Variants in FGGY observed in about 807,000 individuals in gnomAD.
FGGY encodes FGGY carbohydrate kinase domain containing.
Under a neutral mutation model 71.3 loss-of-function variants are expected in FGGY, and 72 were observed. That is an observed-to-expected ratio of 1.01 (90% CI 0.84 to 1.23). The LOEUF (loss-of-function observed/expected upper bound fraction) is 1.23, where lower values mean the gene tolerates loss of function less well. Ranked by LOEUF, FGGY falls within the 50% of genes most tolerant of loss-of-function variation. FGGY has a pLI of 0.00. For synonymous variants in FGGY, 251 were observed against 250.3 expected (o/e 1.00, Z -0.02); for missense variants, 668 against 682.3 (o/e 0.98, Z 0.23).
chr1:59,631,478 A>C (rs554316291), intron 10 of FGGY, among the ~76,000 whole-genome samples: 1 of 152,298 alleles, frequency 6.6e-6, no homozygotes, highest in Admixed American at 6.5e-5. Flanking sequence ...CAATATTCTA[A>C]AACTATGGGA....
intron 4 of FGGY, among the ~76,000 whole-genome samples, chr1:59,374,654 C>G (rs1296460513): frequency 1.3e-5 from 2 of 151,950 alleles, no homozygotes; most frequent in African/African-American, 4.8e-5. Context: ...GGAACCAACC[C>G]AAATGTCCAA....
chr1:59,724,854 A>T (rs1422879239), intron 14 of FGGY, among the ~76,000 whole-genome samples: 1 of 152,066 alleles, frequency 6.6e-6, no homozygotes, highest in African/African-American at 2.4e-5. Flanking sequence ...GAATTTTAAG[A>T]GTTCTTTGTA....
intron 3 of FGGY, 49 bp from the exon 4 acceptor site, chr1:59,346,198 G>C (rs757137050): frequency 2.0e-5 from 32 of 1,603,556 alleles, no homozygotes; most frequent in Middle Eastern, 1.9e-4. Context: ...CCTTGAATTA[G>C]AAGGAAGAGA....
intron 5 of FGGY, among the ~76,000 whole-genome samples, chr1:59,418,714 C>CT (rs956473225): frequency 6.6e-6 from 1 of 151,704 alleles, no homozygotes; most frequent in East Asian, 1.9e-4. Flanking sequence ...TTGATTTTTT[C>CT]TTTTTTTGTG....
At chr1:59,606,270 A>T (rs2153815354) in intron 8 of FGGY, among the ~76,000 whole-genome samples, 1 of 152,260 alleles carries the variant, frequency 6.6e-6, no homozygotes, top group East Asian at 1.9e-4. Context: ...CTTTAGCAAA[A>T]TCCTACTAGT....
chr1:59,359,716 A>G (rs2055047503), intron 4 of FGGY, among the ~76,000 whole-genome samples: 1 of 152,108 alleles, frequency 6.6e-6, no homozygotes, highest in African/African-American at 2.4e-5. Context: ...GATTAGATAA[A>G]CTTCAGAGTG....
intron 5 of FGGY, among the ~76,000 whole-genome samples, chr1:59,390,440 G>A (rs1215493742): frequency 6.6e-6 from 1 of 152,170 alleles, no homozygotes; most frequent in African/African-American, 2.4e-5. Flanking sequence ...GATGGCGGTT[G>A]AAGTTTCCAT....
chr1:59,731,956 G>T (rs1031340993), intron 14 of FGGY, among the ~76,000 whole-genome samples: 2 of 152,094 alleles, frequency 1.3e-5, no homozygotes, highest in Non-Finnish European at 2.9e-5. Context: ...TTTAAATCCT[G>T]CTCTCTCATT....
rs3035371 is a variant in FGGY, at chr1:59,493,096, AACACACACACACAC to A, written c.671-19193_671-19180del. ...TAGGATGGCTACTATTACCAAACAA[AACACACACACACAC>A]ACACACACACACACACACACAAAAC... On this transcript the variant is annotated intron_variant, in intron 6 of 15. Coordinates refer to ENST00000303721, the MANE Select transcript of FGGY (RefSeq NM_018291.5). Among the ~76,000 whole-genome samples, 700 of 143,116 alleles carry A rather than the reference AACACACACACACAC, an allele frequency of 4.9e-3. 5 individuals are homozygous for A. The highest frequency in any genetic ancestry group is 0.016 in the African/African-American group (633 of 38,548). 93.9% of individuals were successfully genotyped at this position (143,116 alleles called of 152,430 possible). A position where few individuals can be genotyped will look rare whatever the true frequency, so the allele number is the denominator to read the frequency against.
intron 6 of FGGY, among the ~76,000 whole-genome samples, chr1:59,465,535 G>T (rs568754301): frequency 1.3e-5 from 2 of 152,214 alleles, no homozygotes; most frequent in East Asian, 1.9e-4. Context: ...AGAAATAAAG[G>T]GTATTCAATT....
At chr1:59,511,467 G>T (rs1032261130) in intron 6 of FGGY, among the ~76,000 whole-genome samples, 9 of 151,150 alleles carry the variant, frequency 6.0e-5, no homozygotes, top group African/African-American at 2.2e-4. Context: ...AGAGGGCTCG[G>T]GCTCTGTTTA....
chr1:59,740,340 C>T (rs1435755689), intron 14 of FGGY, among the ~76,000 whole-genome samples: 3 of 152,182 alleles, frequency 2.0e-5, no homozygotes, highest in Non-Finnish European at 2.9e-5. Flanking sequence ...AGAGAGATGA[C>T]CTCCTGTTTA....
chr1:59,356,917 T>C (rs946229114), intron 4 of FGGY, among the ~76,000 whole-genome samples: 13 of 152,186 alleles, frequency 8.5e-5, no homozygotes, highest in African/African-American at 3.1e-4. Context: ...CTGTGATGGA[T>C]ACCACTTTAA....
In FGGY at chr1:59,648,319, G is replaced by A. The variant is rs1350066723; in HGVS notation, c.1221+9944G>A. ...TCTAGTTCTAGATCCCTGAGGAATC[G>A]CCACACTGACTTCCACAATGTTTGA... On this transcript the variant is annotated intron_variant, in intron 11 of 15. Coordinates refer to ENST00000303721, the MANE Select transcript of FGGY (RefSeq NM_018291.5). Among the ~76,000 whole-genome samples, 41 of 131,050 alleles carry A rather than the reference G, an allele frequency of 3.1e-4. 1 individual carries two copies. The highest frequency in any genetic ancestry group is 1.3e-3 in the African/African-American group (38 of 30,134). 86.0% of individuals were successfully genotyped at this position (131,050 alleles called of 152,430 possible).
At chr1:59,404,190 C>T (rs1046071745) in intron 5 of FGGY, among the ~76,000 whole-genome samples, 1 of 151,892 alleles carries the variant, frequency 6.6e-6, no homozygotes, top group African/African-American at 2.4e-5. Flanking sequence ...GGGAACAACA[C>T]ACACTGGAGC....
At chr1:59,412,121 G>C (rs1571826262) in intron 5 of FGGY, among the ~76,000 whole-genome samples, 1 of 152,152 alleles carries the variant, frequency 6.6e-6, no homozygotes, top group Non-Finnish European at 1.5e-5. Context: ...TCTTGTTCCA[G>C]CTGCCGTGAC....
intron 8 of FGGY, among the ~76,000 whole-genome samples, chr1:59,606,609 A>G (rs959062175): frequency 7.2e-5 from 11 of 152,226 alleles, no homozygotes; most frequent in African/African-American, 2.7e-4. Flanking sequence ...CATGCTGACA[A>G]GGACCTAAAG....
intron 8 of FGGY, among the ~76,000 whole-genome samples, chr1:59,557,052 G>C (rs1319788359): frequency 6.6e-6 from 1 of 152,254 alleles, no homozygotes; most frequent in South Asian, 2.1e-4. Context: ...GGTCATGCTG[G>C]CATGGGAAAG....
chr1:59,329,502 T>A (rs1180730343), intron 2 of FGGY, among the ~76,000 whole-genome samples: 2 of 152,210 alleles, frequency 1.3e-5, no homozygotes, highest in Non-Finnish European at 2.9e-5. Flanking sequence ...TATGCCTGTA[T>A]TTGGGTAGAA....
Sources: gnomAD v4.1 joint callset for allele counts (sites outside exome capture counted in the v4.1 genomes callset) on GRCh38, gnomAD v4.1.1 for gene constraint, MANE v1.5 for transcripts, NCBI Gene and HGNC (gene_info 2026-07-23, HGNC 2026-07-21) for gene names.